Variants in CSNK1G2 observed in about 807,000 individuals in gnomAD.
CSNK1G2 encodes casein kinase I isoform gamma-2.
A neutral mutation model predicts 48.0 loss-of-function variants in CSNK1G2; 11 were observed. The ratio of observed to expected loss-of-function variants is 0.23; its 90% CI spans 0.14 to 0.38. The LOEUF (loss-of-function observed/expected upper bound fraction) is 0.38, where lower values mean the gene tolerates loss of function less well. Among genes scored for constraint, CSNK1G2 ranks in the 10% least tolerant of loss-of-function variants. The probability of loss-of-function intolerance (pLI) is 1.00; values close to 1 mark genes in which losing one functional copy is unlikely to be tolerated. For synonymous variants in CSNK1G2, 337 were observed against 254.1 expected, an observed-to-expected ratio of 1.33 and a Z score of -3.10; for missense variants, 446 against 595.5, an observed-to-expected ratio of 0.75 and a Z score of 2.61.
At chr19:1,942,586 C>T (rs2014407919) in intron 1 of CSNK1G2, 1 of 152,220 alleles carries the variant, frequency 6.6e-6, no homozygotes, top group Admixed American at 6.5e-5. Context: ...GCCCTGGTAG[C>T]TCGTGGGTGT....
At chr19:1,944,087 G>A (rs956384520) in intron 1 of CSNK1G2, among the ~76,000 whole-genome samples, 11 of 152,118 alleles carry the variant, frequency 7.2e-5, no homozygotes, top group Non-Finnish European at 1.5e-4. Flanking sequence ...GTGGTGGCGG[G>A]CAGCTGTGGG....
intron 1 of CSNK1G2, among the ~76,000 whole-genome samples, chr19:1,968,085 C>T (rs181132468): frequency 2.3e-3 from 96 of 41,958 alleles, no homozygotes; most frequent in South Asian, 3.3e-3. Context: ...GGGCTCCTCC[C>T]TCCTCCCTCC....
Position 1,969,618 on chromosome 19 carries a change from G to A in CSNK1G2, c.-155G>A, listed in dbSNP as rs868049440. 6 of 597,116 alleles carry A rather than the reference G, an allele frequency of 1.0e-5. No homozygotes were observed. The East Asian group carries it at 1.4e-4, about 14-fold the overall frequency. The allele number at this position is 597,116 out of a possible 1,614,324, so 37.0% of individuals were successfully genotyped here. ...GCAGCGCGGCCTGGCCGGCCCGAAC[G>A]CCTGCGTCTCAGTAGCTGGGAGCCA... On this transcript the variant is annotated 5_prime_UTR_variant, in exon 2 of 12. Transcript: ENST00000255641.
In CSNK1G2 at chr19:1,976,132, C is replaced by T. The variant is rs375446219; in HGVS notation, c.188-2173C>T. The T allele has an allele frequency of 3.5e-4, 448 of 1,284,738 alleles. 6 individuals are homozygous for T. The African/African-American group carries it at 5.7e-3, about 16-fold the overall frequency. The allele number at this position is 1,284,738 out of a possible 1,614,324, so 79.6% of individuals were successfully genotyped here. A position where few individuals can be genotyped will look rare whatever the true frequency, so the allele number is the denominator to read the frequency against. On this transcript the variant is annotated intron_variant, in intron 2 of 11. Coordinates refer to ENST00000255641, the MANE Select transcript of CSNK1G2 (RefSeq NM_001319.7). ...TGTGGCAGGTTTAGTTCTGGGGCCT[C>T]GGCAATGAGTGTTGGGTGTTTGGGG...
chr19:1,961,844 G>A (rs780650497), intron 1 of CSNK1G2, among the ~76,000 whole-genome samples: 18 of 152,184 alleles, frequency 1.2e-4, no homozygotes, highest in African/African-American at 2.7e-4. Context: ...CAAGAAATCC[G>A]CTGGCCGCTA....
chr19:1,944,154 G>C (rs748141218), intron 1 of CSNK1G2, among the ~76,000 whole-genome samples: 2 of 152,146 alleles, frequency 1.3e-5, no homozygotes, highest in South Asian at 2.1e-4. Context: ...GTGGCCGTGC[G>C]CGTGTTGGGT....
In CSNK1G2 at chr19:1,952,620, C is replaced by T. The variant is rs532575283; in HGVS notation, c.-266+11202C>T. The stretch of plus-strand genomic sequence containing the variant: ...ATCTTTTTAGTAACGATATATTTGA[C>T]GATGATTAAAAAAACCCGATCCTTG... On this transcript the variant is annotated intron_variant, in intron 1 of 11. Transcript: ENST00000255641. 1.5e-4 allele frequency: 24 copies of T among 161,654 alleles called. No homozygotes were observed. In the South Asian group the frequency reaches 3.1e-3, roughly 21 times the overall value. The allele number at this position is 161,654 out of a possible 1,614,324, so 10.0% of individuals were successfully genotyped here.
chr19:1,970,921 C>A (rs896669643), intron 2 of CSNK1G2, among the ~76,000 whole-genome samples: 2 of 152,158 alleles, frequency 1.3e-5, no homozygotes, highest in Non-Finnish European at 2.9e-5. Flanking sequence ...GGCACTCAGC[C>A]CGATGAGGTT....
At chr19:1,944,188 G>A (rs775320711) in intron 1 of CSNK1G2, among the ~76,000 whole-genome samples, 4 of 152,134 alleles carry the variant, frequency 2.6e-5, no homozygotes, top group African/African-American at 7.2e-5. Context: ...CAGGCGTGCC[G>A]GGTCCGCCTC....
intron 1 of CSNK1G2, among the ~76,000 whole-genome samples, chr19:1,965,685 A>AG (rs1273549773): frequency 1.3e-5 from 2 of 151,790 alleles, no homozygotes; most frequent in African/African-American, 4.8e-5. Context: ...ATTTTTTCAT[A>AG]GGGGGTTTCA....
chr19:1,964,977 C>T (rs74176378), intron 1 of CSNK1G2, among the ~76,000 whole-genome samples: 17,603 of 150,892 alleles, frequency 0.12, 1,249 homozygotes, highest in East Asian at 0.19. Flanking sequence ...CCGCCTGCCT[C>T]GGCCTCCCAA....
At chr19:1,963,769 A>G (rs2015276837) in intron 1 of CSNK1G2, among the ~76,000 whole-genome samples, 1 of 149,616 alleles carries the variant, frequency 6.7e-6, no homozygotes, top group Admixed American at 6.7e-5. Flanking sequence ...TGGCCTTCCA[A>G]AGTGCTGGGA....
intron 1 of CSNK1G2, chr19:1,968,675 C>G (rs192024044): frequency 5.4e-4 from 83 of 152,704 alleles, no homozygotes; most frequent in African/African-American, 1.8e-3. Flanking sequence ...CTTCTCAGGA[C>G]CAGAGGCTTC....
At chr19:1,962,334 C>A (rs560411635) in intron 1 of CSNK1G2, among the ~76,000 whole-genome samples, 37 of 149,324 alleles carry the variant, frequency 2.5e-4, no homozygotes, top group Middle Eastern at 3.6e-3. Context: ...CTGTCAACAA[C>A]AACAACAAAA....
intron 2 of CSNK1G2, among the ~76,000 whole-genome samples, chr19:1,974,533 T>A (rs559228254): frequency 6.6e-6 from 1 of 152,286 alleles, no homozygotes; most frequent in East Asian, 1.9e-4. Flanking sequence ...ACGTCTGTGC[T>A]GCTTCTTCCT....
At chr19:1,970,071 C>T (rs1027392234) in intron 2 of CSNK1G2, 112 bp downstream of exon 2, 20 of 829,416 alleles carry the variant, frequency 2.4e-5, no homozygotes, top group Admixed American at 8.5e-5. Context: ...CTGGCGGGGC[C>T]GCCCCATGTC....
At chr19:1,946,750 C>A (rs1361080225) in intron 1 of CSNK1G2, among the ~76,000 whole-genome samples, 1 of 151,644 alleles carries the variant, frequency 6.6e-6, no homozygotes, top group African/African-American at 2.4e-5. Context: ...GCAGCTGGGA[C>A]TACAGGTACA....
Position 1,969,637 on chromosome 19 carries a change from G to A in CSNK1G2, c.-136G>A. On this transcript the variant is annotated 5_prime_UTR_variant, in exon 2 of 12. Transcript: ENST00000255641. ...CCGAACGCCTGCGTCTCAGTAGCTGGGAGCCACGGGCCCACGCCCGCCCAC... is the reference window on the plus strand; with the variant it reads ...CCGAACGCCTGCGTCTCAGTAGCTGAGAGCCACGGGCCCACGCCCGCCCAC... 1 of 746,992 alleles carries A rather than the reference G, an allele frequency of 1.3e-6. No homozygotes were observed. Among genetic ancestry groups the A allele is most frequent in the Non-Finnish European group, 1.9e-6 (1 of 533,742 alleles). 46.3% of individuals were successfully genotyped at this position (746,992 alleles called of 1,614,324 possible).
intron 1 of CSNK1G2, among the ~76,000 whole-genome samples, chr19:1,946,289 T>TATTTATTTATTTATTTATTATTTATTTA (rs56098852): frequency 2.8e-5 from 4 of 143,872 alleles, no homozygotes; most frequent in South Asian, 2.3e-4. Flanking sequence ...TTTATTTATT[T>TATTTATTTATTTATTTATTATTTATTTA]TTTATTTATT....
Sources: allele counts gnomAD v4.1 joint callset (sites outside exome capture counted in the v4.1 genomes callset), GRCh38; gene constraint gnomAD v4.1.1; transcripts MANE v1.5; gene names NCBI Gene and HGNC (gene_info 2026-07-23, HGNC 2026-07-21).